SLC25A48: variants seen among roughly 807,000 people sequenced by gnomAD.
SLC25A48 encodes the protein solute carrier family 25 member 48.
SLC25A48 carries 29 observed loss-of-function variants against 32.2 expected under a neutral mutation model. The observed-to-expected ratio is 0.90, with a 90% CI of 0.67 to 1.23. The LOEUF (loss-of-function observed/expected upper bound fraction) is 1.23, where lower values mean the gene tolerates loss of function less well. Ranked by LOEUF, SLC25A48 falls within the 50% of genes most tolerant of loss-of-function variation. The pLI, the probability that SLC25A48 is intolerant of heterozygous loss-of-function variation, is 0.00. For synonymous variants in SLC25A48, 164 were observed against 172.3 expected, an observed-to-expected ratio of 0.95 and a Z score of 0.38; for missense variants, 399 against 422.7, an observed-to-expected ratio of 0.94 and a Z score of 0.49.
upstream of SLC25A48, among the ~76,000 whole-genome samples, chr5:135,830,388 A>G (rs1758173302): frequency 6.6e-6 from 1 of 152,208 alleles, no homozygotes; most frequent in South Asian, 2.1e-4. Context: ...CTTCCAAAAA[A>G]TAGAGGAAGA....
chr5:135,682,294 G>A (rs953680669), intron 3 of SLC25A48, among the ~76,000 whole-genome samples: 1 of 152,118 alleles, frequency 6.6e-6, no homozygotes, highest in African/African-American at 2.4e-5. Flanking sequence ...TATATATCTT[G>A]TAGGATTTTT....
intron 3 of SLC25A48, among the ~76,000 whole-genome samples, chr5:135,735,052 G>GGT (rs1755328405): frequency 6.6e-6 from 1 of 152,140 alleles, no homozygotes; most frequent in East Asian, 1.9e-4. Context: ...TTTCCAGTGG[G>GGT]GTCCCGCACA....
chr5:135,881,726 A>G (rs1762482420), intron 7 of SLC25A48, among the ~76,000 whole-genome samples: 1 of 152,260 alleles, frequency 6.6e-6, no homozygotes, highest in Non-Finnish European at 1.5e-5. Context: ...GTAGACAAAA[A>G]TAGAAAATTT....
intron 3 of SLC25A48, among the ~76,000 whole-genome samples, chr5:135,748,484 G>A (rs374988914): frequency 3.9e-5 from 6 of 152,016 alleles, no homozygotes; most frequent in African/African-American, 9.7e-5. Context: ...ATGTTGGACC[G>A]GCTGGTCTTG....
intron 1 of SLC25A48, among the ~76,000 whole-genome samples, chr5:135,611,910 G>A (rs1331170624): frequency 6.6e-6 from 1 of 152,140 alleles, no homozygotes; most frequent in East Asian, 1.9e-4. Context: ...GAAAAGAAAC[G>A]GAATTGTCAT....
chr5:135,623,001 G>A (rs1403998611), intron 1 of SLC25A48, among the ~76,000 whole-genome samples: 1 of 152,158 alleles, frequency 6.6e-6, no homozygotes, highest in African/African-American at 2.4e-5. Flanking sequence ...GCTTCTCAGA[G>A]CAGCTGAAAC....
At chr5:135,788,592 C>T (rs1455069179) in intron 3 of SLC25A48, among the ~76,000 whole-genome samples, 3 of 151,166 alleles carry the variant, frequency 2.0e-5, no homozygotes, top group African/African-American at 4.9e-5. Flanking sequence ...TACACACCCC[C>T]GCCCTATGCT....
intron 3 of SLC25A48, among the ~76,000 whole-genome samples, chr5:135,756,946 TATA>T (rs1184155407): frequency 6.6e-6 from 1 of 151,072 alleles, no homozygotes; most frequent in African/African-American, 2.4e-5. Context: ...AGATGATATT[TATA>T]ATATCTAGTG....
rs1402681382 is a variant in SLC25A48, at chr5:135,876,128, C to CTTTTTTTTTTTTTTTTTTTTTTT, written c.813+1976_813+1977insTTTTTTTTTTTTTTTTTTTTTTT. On this transcript the variant is annotated intron_variant, in intron 6 of 7. Transcript: ENST00000681962. ...TTGTCTTTTGTATCTTTTTTTTCTT[C>CTTTTTTTTTTTTTTTTTTTTTTT]TTCTTTTTTTTTTTTTTTTTTTTTT... 6.3e-5 allele frequency: 3 copies of CTTTTTTTTTTTTTTTTTTTTTTT among 47,862 alleles called. 1 individual carries two copies. The highest frequency in any genetic ancestry group is 3.0e-4 in the Admixed American group (1 of 3,342). The allele number at this position is 47,862 out of a possible 1,614,324, so 3.0% of individuals were successfully genotyped here.
At chr5:135,741,109 C>T (rs987632290) in intron 3 of SLC25A48, among the ~76,000 whole-genome samples, 2 of 152,178 alleles carry the variant, frequency 1.3e-5, no homozygotes, top group Admixed American at 6.5e-5. Context: ...TCTTCAGAGT[C>T]CCATTTTATA....
intron 3 of SLC25A48, among the ~76,000 whole-genome samples, chr5:135,692,318 C>CAAAA (rs55818262): frequency 8.1e-6 from 1 of 122,744 alleles, no homozygotes; most frequent in Admixed American, 8.6e-5. Context: ...GACCCCGTCT[C>CAAAA]AAAAAAAAAA....
At chr5:135,842,062 G>A (rs1188907974) in intron 1 of SLC25A48, among the ~76,000 whole-genome samples, 1 of 152,106 alleles carries the variant, frequency 6.6e-6, no homozygotes, top group African/African-American at 2.4e-5. Flanking sequence ...CTATGTTTTA[G>A]TTTAAGAATC....
At chr5:135,682,898 T>C (rs570667121) in intron 3 of SLC25A48, among the ~76,000 whole-genome samples, 14 of 152,326 alleles carry the variant, frequency 9.2e-5, no homozygotes, top group African/African-American at 3.1e-4. Context: ...GCACAACATA[T>C]CTTTATTGTT....
chr5:135,694,451 C>T (rs1754221220), intron 3 of SLC25A48, among the ~76,000 whole-genome samples: 1 of 152,150 alleles, frequency 6.6e-6, no homozygotes, highest in Admixed American at 6.5e-5. Flanking sequence ...TGTAAAATGG[C>T]TCCCCAGAAG....
At chr5:135,656,955 T>C (rs1327235690) in intron 3 of SLC25A48, among the ~76,000 whole-genome samples, 3 of 152,176 alleles carry the variant, frequency 2.0e-5, no homozygotes, top group Non-Finnish European at 2.9e-5. Flanking sequence ...AGCCACCCAG[T>C]TAGTGATACT....
chr5:135,864,431 T>C (rs1232096727), intron 4 of SLC25A48, among the ~76,000 whole-genome samples: 1 of 151,892 alleles, frequency 6.6e-6, no homozygotes, highest in African/African-American at 2.4e-5. Context: ...GATGTTAAGA[T>C]CCCTGAAGGG....
intron 3 of SLC25A48, among the ~76,000 whole-genome samples, chr5:135,643,117 C>T (rs374232818): frequency 2.0e-5 from 3 of 152,196 alleles, no homozygotes; most frequent in Non-Finnish European, 4.4e-5. Flanking sequence ...TCAGCCGTCC[C>T]GTCACCCGGA....
At chr5:135,765,645 A>G (rs564738063) in intron 3 of SLC25A48, among the ~76,000 whole-genome samples, 4 of 148,964 alleles carry the variant, frequency 2.7e-5, no homozygotes, top group East Asian at 2.0e-4. Context: ...GGAAAAAATG[A>G]TATTTCTCCC....
intron 3 of SLC25A48, among the ~76,000 whole-genome samples, chr5:135,694,142 G>A (rs546144242): frequency 6.6e-6 from 1 of 152,132 alleles, no homozygotes; most frequent in Non-Finnish European, 1.5e-5. Flanking sequence ...TGAATGGCTG[G>A]GCCTGCACAG....
Sources: allele counts gnomAD v4.1 joint callset (sites outside exome capture counted in the v4.1 genomes callset), GRCh38; gene constraint gnomAD v4.1.1; transcripts MANE v1.5; gene names NCBI Gene and HGNC (gene_info 2026-07-23, HGNC 2026-07-21).